LRP2: variants seen among roughly 807,000 people sequenced by gnomAD.
LRP2 encodes LDL receptor related protein 2.
A neutral mutation model predicts 531.0 loss-of-function variants in LRP2; 172 were observed. The ratio of observed to expected loss-of-function variants is 0.32; its 90% CI spans 0.29 to 0.37. LRP2 has a LOEUF of 0.37. Ranked by LOEUF, LRP2 falls within the 10% of genes least tolerant of loss-of-function variation. The probability of loss-of-function intolerance (pLI) is 1.00; values close to 1 mark genes in which losing one functional copy is unlikely to be tolerated. For missense variants in LRP2, 5,167 were observed against 5,868.3 expected, an observed-to-expected ratio of 0.88 and a Z score of 3.90; for synonymous variants, 1,992 against 2,027.6, an observed-to-expected ratio of 0.98 and a Z score of 0.47.
At position 169,195,749 on chromosome 2, in the gene LRP2, A is replaced by G. The variant is rs188844809; in HGVS notation, c.8698+1162T>C. ...TAGTTATTTCCTTTACAGGTCCTCAAAACTCTATGTGCCCTTTGCTTTCTA... is the reference window on the plus strand; with the variant it reads ...TAGTTATTTCCTTTACAGGTCCTCAGAACTCTATGTGCCCTTTGCTTTCTA... On this transcript the variant is annotated intron_variant, in intron 46 of 78. Transcript: ENST00000649046. Among the ~76,000 whole-genome samples the G allele has an allele frequency of 2.0e-5, 3 of 152,280 alleles. No individual in the cohort carries two copies. In the East Asian group the frequency reaches 5.8e-4, roughly 29 times the overall value.
intron 76 of LRP2, among the ~76,000 whole-genome samples, chr2:169,133,467 T>C (rs1685364794): frequency 6.6e-6 from 1 of 152,242 alleles, no homozygotes; most frequent in Non-Finnish European, 1.5e-5. Flanking sequence ...TCATATCTGT[T>C]TATCAGAGGA....
intron 1 of LRP2, among the ~76,000 whole-genome samples, chr2:169,343,133 T>C (rs984649833): frequency 5.3e-5 from 8 of 152,190 alleles, no homozygotes; most frequent in Non-Finnish European, 7.3e-5. Flanking sequence ...CAGCAAGTTC[T>C]GCATAAAACC....
intron 19 of LRP2, 52 bp from the exon 20 acceptor site, chr2:169,247,567 A>G (rs941751687): frequency 1.3e-5 from 21 of 1,596,338 alleles, no homozygotes; most frequent in Non-Finnish European, 1.5e-5. Flanking sequence ...TAACTTATAA[A>G]TAAATCACTT....
intron 16 of LRP2, 92 bp from the exon 17 acceptor site, chr2:169,259,309 G>T: frequency 1.5e-4 from 98 of 634,304 alleles, no homozygotes; most frequent in East Asian, 1.9e-4. Flanking sequence ...TTGTGTCAGA[G>T]TTAGAGCATA....
At chr2:169,295,491 C>A (rs532770936) in intron 4 of LRP2, among the ~76,000 whole-genome samples, 16 of 152,196 alleles carry the variant, frequency 1.1e-4, no homozygotes, top group Non-Finnish European at 8.8e-5. Flanking sequence ...GAATAACGTG[C>A]TATCTGTCCC....
chr2:169,157,370 C>T lies in LRP2; in HGVS notation c.12019+1G>A, dbSNP rs1188601783. On this transcript the variant is annotated splice_donor_variant, in intron 64 of 78. Coordinates refer to ENST00000649046, the MANE Select transcript of LRP2 (RefSeq NM_004525.3). LOFTEE classifies it high-confidence loss of function. ...CAGGAATTGGAAAAAATATACTCTA[C>T]CTAGACAGGAGGTTCTGTCAAAAAC... The T allele has an allele frequency of 1.9e-6, 3 of 1,613,098 alleles. No homozygotes were observed. The highest frequency in any genetic ancestry group is 1.7e-6 in the Non-Finnish European group (2 of 1,179,396).
intron 1 of LRP2, among the ~76,000 whole-genome samples, chr2:169,350,723 C>A (rs76625598): frequency 5.6e-4 from 38 of 68,210 alleles, no homozygotes; most frequent in African/African-American, 6.9e-4. Context: ...GACTCCATCG[C>A]AAAAAAAAAA....
At chr2:169,310,848 G>T (rs1022866349) in intron 3 of LRP2, among the ~76,000 whole-genome samples, 1 of 152,270 alleles carries the variant, frequency 6.6e-6, no homozygotes. Context: ...CTTTTGGTTG[G>T]TAGCCTCTTA....
At chr2:169,145,432 G>C (rs1026765870) in intron 70 of LRP2, among the ~76,000 whole-genome samples, 5 of 152,172 alleles carry the variant, frequency 3.3e-5, no homozygotes, top group Non-Finnish European at 4.4e-5. Context: ...CTCACATTTA[G>C]CAGGGGACTG....
chr2:169,170,779 C>T, intron 58 of LRP2, 112 bp from the exon 59 acceptor site: 1 of 792,178 alleles, frequency 1.3e-6, no homozygotes, highest in African/African-American at 1.7e-5. Flanking sequence ...GTGTCCCAAG[C>T]CCCAGAGGTG....
chr2:169,330,257 A>G (rs1353751214), intron 1 of LRP2, among the ~76,000 whole-genome samples: 1 of 152,210 alleles, frequency 6.6e-6, no homozygotes, highest in African/African-American at 2.4e-5. Context: ...CACAGAATCC[A>G]GTCAGCTCTC....
intron 1 of LRP2, among the ~76,000 whole-genome samples, chr2:169,330,832 C>A (rs966596035): frequency 9.2e-5 from 14 of 151,954 alleles, no homozygotes; most frequent in Admixed American, 2.0e-4. Context: ...ATTATCTTAG[C>A]CCACATGAAA....
In LRP2 at chr2:169,156,420, A is replaced by T. The variant is rs1449570716; in HGVS notation, c.12020-15T>A. On this transcript the variant is annotated splice_polypyrimidine_tract_variant and intron_variant, in intron 64 of 78. Coordinates refer to ENST00000649046, the MANE Select transcript of LRP2 (RefSeq NM_004525.3). ...TTCATTGATATCTGTAGGCAAAATA[A>T]AACCAAATACGCAACATCTGTTCCC... The T allele has an allele frequency of 6.2e-7, 1 of 1,613,250 alleles. No individual in the cohort carries two copies. Among genetic ancestry groups the T allele is most frequent in the Non-Finnish European group, 8.5e-7 (1 of 1,179,350 alleles).
chr2:169,333,851 G>T (rs1251496807), intron 1 of LRP2, among the ~76,000 whole-genome samples: 1 of 152,102 alleles, frequency 6.6e-6, no homozygotes, highest in Non-Finnish European at 1.5e-5. Context: ...GTTATGCCTG[G>T]GCTCAAATAG....
chr2:169,182,955 A>C (rs552428009), intron 50 of LRP2, among the ~76,000 whole-genome samples: 1 of 152,258 alleles, frequency 6.6e-6, no homozygotes, highest in East Asian at 1.9e-4. Context: ...TATTCAATAA[A>C]ATTTATTTTT....
chr2:169,348,636 T>C (rs1313222084), intron 1 of LRP2, among the ~76,000 whole-genome samples: 1 of 152,210 alleles, frequency 6.6e-6, no homozygotes, highest in Non-Finnish European at 1.5e-5. Flanking sequence ...CTTTGGCTTA[T>C]CTTTTTGTAA....
In LRP2 at chr2:169,338,783, G is replaced by A. The variant is rs557123451; in HGVS notation, c.80-17899C>T. ...TATAATATTACAGAAGGGCAAGGAA[G>A]GGGAAGAGCACGCGAAGACTGCTTA... is the stretch of plus-strand genomic sequence containing the variant. On this transcript the variant is annotated intron_variant, in intron 1 of 78. Coordinates refer to ENST00000649046, the MANE Select transcript of LRP2 (RefSeq NM_004525.3). Among the ~76,000 whole-genome samples, 231 of 152,314 alleles carry A rather than the reference G, an allele frequency of 1.5e-3. 4 individuals are homozygous for A. Among genetic ancestry groups the A allele is most frequent in the Admixed American group, 2.2e-3 (34 of 15,302 alleles).
intron 1 of LRP2, among the ~76,000 whole-genome samples, chr2:169,332,583 A>G (rs1409776074): frequency 6.6e-6 from 1 of 152,180 alleles, no homozygotes; most frequent in Non-Finnish European, 1.5e-5. Context: ...ACCCTTATTT[A>G]GCTATGGCCC....
At chr2:169,323,753 C>T (rs2105520653) in intron 1 of LRP2, among the ~76,000 whole-genome samples, 1 of 151,906 alleles carries the variant, frequency 6.6e-6, no homozygotes, top group East Asian at 1.9e-4. Flanking sequence ...CTGCCACATT[C>T]AACCAATCCA....
Sources: gnomAD v4.1 joint callset for allele counts (sites outside exome capture counted in the v4.1 genomes callset) on GRCh38, gnomAD v4.1.1 for gene constraint, MANE v1.5 for transcripts, NCBI Gene and HGNC (gene_info 2026-07-23, HGNC 2026-07-21) for gene names.